MARCHF5: variants seen among roughly 807,000 people sequenced by gnomAD.
The protein encoded by MARCHF5 is membrane associated ring-CH-type finger 5.
MARCHF5 carries 5 observed loss-of-function variants against 36.5 expected under a neutral mutation model. The ratio of observed to expected loss-of-function variants is 0.14; its 90% CI spans 0.07 to 0.29. The LOEUF is 0.29. MARCHF5 is among the 10% of genes least tolerant of loss of function. The pLI is 1.00. For synonymous variants in MARCHF5, 103 were observed against 109.9 expected (o/e 0.94, Z 0.39); for missense variants, 179 against 336.3 (o/e 0.53, Z 3.66).
At chr10:92,299,908 G>A (rs117716673) in intron 1 of MARCHF5, among the ~76,000 whole-genome samples, 137 of 152,082 alleles carry the variant, frequency 9.0e-4, no homozygotes, top group African/African-American at 2.5e-3. Context: ...TAAGTTCAGG[G>A]CTGGGCACTT....
intron 1 of MARCHF5, among the ~76,000 whole-genome samples, chr10:92,295,403 A>ATTTTTTTT (rs1218569309): frequency 5.9e-5 from 4 of 67,620 alleles, no homozygotes; most frequent in Non-Finnish European, 9.6e-5. Flanking sequence ...TTATTTATTT[A>ATTTTTTTT]TTTATTTTTT....
Position 92,321,493 on chromosome 10 carries a change from G to T in MARCHF5, c.238+10156G>T, listed in dbSNP as rs578161835. Reference sequence around the variant, plus strand: ...TGCTAGTACTTTGTTGGGAACTTTTGTGTCTGTACTCATAATGGGTATTGG... The same window carrying T: ...TGCTAGTACTTTGTTGGGAACTTTTTTGTCTGTACTCATAATGGGTATTGG... On this transcript the variant is annotated intron_variant, in intron 2 of 5. Coordinates refer to ENST00000358935, the MANE Select transcript of MARCHF5 (RefSeq NM_017824.5). Among the ~76,000 whole-genome samples the T allele has an allele frequency of 3.9e-4, 59 of 152,188 alleles. 1 individual carries two copies. The highest frequency in any genetic ancestry group is 1.4e-3 in the African/African-American group (58 of 41,462).
intron 2 of MARCHF5, among the ~76,000 whole-genome samples, chr10:92,337,077 ACGCCATTGCACTTCC>A (rs1843511012): frequency 6.6e-6 from 1 of 151,226 alleles, no homozygotes. Context: ...AGCCAAGATG[ACGCCATTGCACTTCC>A]GCCTGGGTGA....
intron 1 of MARCHF5, among the ~76,000 whole-genome samples, chr10:92,309,078 T>G (rs918882420): frequency 2.6e-5 from 4 of 152,184 alleles, no homozygotes; most frequent in Non-Finnish European, 5.9e-5. Flanking sequence ...TACTGATGCC[T>G]GCAACTTTGA....
intron 1 of MARCHF5, among the ~76,000 whole-genome samples, chr10:92,305,106 G>A (rs1843057547): frequency 2.0e-5 from 3 of 152,064 alleles, no homozygotes; most frequent in Admixed American, 2.0e-4. Context: ...CTATGTTACG[G>A]TGAGTTAAGA....
chr10:92,295,842 T>C (rs574519661), intron 1 of MARCHF5, among the ~76,000 whole-genome samples: 1 of 152,108 alleles, frequency 6.6e-6, no homozygotes, highest in East Asian at 1.9e-4. Context: ...TACATATACA[T>C]ACGTATATAT....
intron 2 of MARCHF5, among the ~76,000 whole-genome samples, chr10:92,328,816 TATATA>T (rs1412913201): frequency 2.0e-4 from 14 of 71,478 alleles, no homozygotes; most frequent in African/African-American, 4.9e-4. Flanking sequence ...TATATATATA[TATATA>T]TTTTTTTTTT....
intron 2 of MARCHF5, among the ~76,000 whole-genome samples, chr10:92,328,712 G>C (rs1239797522): frequency 2.0e-5 from 3 of 150,608 alleles, no homozygotes; most frequent in Admixed American, 6.6e-5. Flanking sequence ...TTGTTATGCT[G>C]ATACACTACG....
rs563993809 is a variant in MARCHF5 at position 92,325,553 on chromosome 10, CT to C, written c.238+14217del. Among the ~76,000 whole-genome samples the C allele has an allele frequency of 7.5e-3, 1,146 of 152,086 alleles. 14 individuals carry two copies. The highest frequency in any genetic ancestry group is 0.024 in the South Asian group (115 of 4,826). On this transcript the variant is annotated intron_variant, in intron 2 of 5. Transcript: ENST00000358935. ...CATTATAAAATATCCTTTTTTGTTTCTAATAGCAATTTTGTCATAAAAATCC... is the reference window on the plus strand; with the variant it reads ...CATTATAAAATATCCTTTTTTGTTTCAATAGCAATTTTGTCATAAAAATCC...
chr10:92,336,420 A>G (rs1253257494), intron 2 of MARCHF5, among the ~76,000 whole-genome samples: 2 of 152,216 alleles, frequency 1.3e-5, no homozygotes, highest in Non-Finnish European at 2.9e-5. Flanking sequence ...GCATGTGCCC[A>G]TGTTCCAATA....
chr10:92,308,981 A>G (rs1021833013), intron 1 of MARCHF5, among the ~76,000 whole-genome samples: 3 of 152,230 alleles, frequency 2.0e-5, no homozygotes, highest in African/African-American at 7.2e-5. Context: ...CTGGGATTAC[A>G]GGCTTAAGCC....
intron 3 of MARCHF5, among the ~76,000 whole-genome samples, chr10:92,343,177 GT>G (rs1843599171): frequency 6.6e-6 from 1 of 152,174 alleles, no homozygotes; most frequent in South Asian, 2.1e-4. Context: ...ATGTTGTGTA[GT>G]TTTTCACCTC....
At chr10:92,295,532 C>T (rs2771265) in intron 1 of MARCHF5, among the ~76,000 whole-genome samples, 39,597 of 148,998 alleles carry the variant, frequency 0.27, 6,698 homozygotes, top group South Asian at 0.53. Context: ...CTCAGCCTCC[C>T]GAGTGGCTGG....
chr10:92,308,201 A>G (rs1843099697), intron 1 of MARCHF5, among the ~76,000 whole-genome samples: 1 of 152,002 alleles, frequency 6.6e-6, no homozygotes, highest in African/African-American at 2.4e-5. Flanking sequence ...TCAGCCTCCC[A>G]AAGTGCTGGG....
chr10:92,304,293 G>T (rs1365511385), intron 1 of MARCHF5, among the ~76,000 whole-genome samples: 2 of 152,136 alleles, frequency 1.3e-5, no homozygotes, highest in Non-Finnish European at 2.9e-5. Flanking sequence ...GTCATATGGA[G>T]GTTATATATG....
At chr10:92,312,882 AT>A (rs1391586463) in intron 2 of MARCHF5, among the ~76,000 whole-genome samples, 1 of 152,190 alleles carries the variant, frequency 6.6e-6, no homozygotes, top group African/African-American at 2.4e-5. Context: ...TCTAGGAAAT[AT>A]GTTTTCAGGT....
intron 2 of MARCHF5, among the ~76,000 whole-genome samples, chr10:92,323,357 T>C (rs536940514): frequency 2.6e-5 from 4 of 152,304 alleles, no homozygotes; most frequent in Non-Finnish European, 4.4e-5. Context: ...TGTTACATTT[T>C]TTACAGTCAG....
At chr10:92,343,406 A>G (rs1428805640) in intron 3 of MARCHF5, among the ~76,000 whole-genome samples, 1 of 152,124 alleles carries the variant, frequency 6.6e-6, no homozygotes, top group Non-Finnish European at 1.5e-5. Context: ...GACATTTCTT[A>G]TATAGATTAT....
chr10:92,322,250 A>AC, intron 2 of MARCHF5, among the ~76,000 whole-genome samples: 1 of 145,026 alleles, frequency 6.9e-6, no homozygotes, highest in East Asian at 2.0e-4. Context: ...GTCTCAAAAA[A>AC]AAAAAAAAAA....
Sources: allele counts gnomAD v4.1 joint callset (sites outside exome capture counted in the v4.1 genomes callset), GRCh38; gene constraint gnomAD v4.1.1; transcripts MANE v1.5; gene names NCBI Gene and HGNC (gene_info 2026-07-23, HGNC 2026-07-21).